The following FRK variants were observed in gnomAD, a reference collection of about 807,000 sequenced individuals.
FRK encodes the protein tyrosine-protein kinase FRK.
Under a neutral mutation model 56.4 loss-of-function variants are expected in FRK, and 51 were observed. That is an observed-to-expected ratio of 0.90 (90% CI 0.72 to 1.14). The LOEUF is 1.14. Among genes scored for constraint, FRK ranks in the 50% most tolerant of loss-of-function variants. The pLI, the probability that FRK is intolerant of heterozygous loss-of-function variation, is 0.00. For missense variants in FRK, 570 were observed against 601.4 expected, an observed-to-expected ratio of 0.95 and a Z score of 0.55; for synonymous variants, 245 against 217.9, an observed-to-expected ratio of 1.12 and a Z score of -1.10.
At chr6:115,998,188 A>G (rs1464176745) in intron 2 of FRK, among the ~76,000 whole-genome samples, 2 of 152,096 alleles carry the variant, frequency 1.3e-5, no homozygotes, top group African/African-American at 4.8e-5. Flanking sequence ...CTCATCTTGC[A>G]CCTATAATTT....
chr6:116,084,858 T>A, the FRK span, among the ~76,000 whole-genome samples: 4 of 152,224 alleles, frequency 2.6e-5, no homozygotes, highest in African/African-American at 9.6e-5. Context: ...GTGATTATAA[T>A]GATTCTCTAT....
chr6:116,002,310 T>A (rs1019637231), intron 2 of FRK, among the ~76,000 whole-genome samples: 19 of 152,146 alleles, frequency 1.2e-4, no homozygotes, highest in Non-Finnish European at 2.5e-4. Flanking sequence ...TCACCTTGGG[T>A]ATAAACAACA....
the FRK span, among the ~76,000 whole-genome samples, chr6:116,066,725 G>A: frequency 2.0e-5 from 3 of 152,094 alleles, no homozygotes; most frequent in Non-Finnish European, 4.4e-5. Flanking sequence ...TGTTCACCAC[G>A]GCAACAGCCA....
At chr6:115,956,806 G>A (rs1773010691) in intron 4 of FRK, among the ~76,000 whole-genome samples, 196 bp from the exon 5 acceptor site, 1 of 152,192 alleles carries the variant, frequency 6.6e-6, no homozygotes, top group South Asian at 2.1e-4. Flanking sequence ...TGGTGCATCA[G>A]GAGTATACGG....
At chr6:116,100,121 C>T in the FRK span, among the ~76,000 whole-genome samples, 12 of 152,296 alleles carry the variant, frequency 7.9e-5, no homozygotes, top group African/African-American at 2.9e-4. Flanking sequence ...TTGTAGTATG[C>T]TCTATATATT....
the FRK span, among the ~76,000 whole-genome samples, chr6:116,097,869 T>C: frequency 6.6e-6 from 1 of 152,192 alleles, no homozygotes; most frequent in South Asian, 2.1e-4. Flanking sequence ...TTCATGTCCT[T>C]TACAGACCTT....
intron 1 of FRK, among the ~76,000 whole-genome samples, chr6:116,048,840 T>C (rs1201766599): frequency 6.6e-6 from 1 of 152,230 alleles, no homozygotes; most frequent in Non-Finnish European, 1.5e-5. Flanking sequence ...ATAAGAAAAT[T>C]TGCCTTGCAG....
intron 1 of FRK, among the ~76,000 whole-genome samples, chr6:116,026,520 G>A (rs904563382): frequency 1.5e-5 from 2 of 132,840 alleles, no homozygotes; most frequent in African/African-American, 2.8e-5. Flanking sequence ...AGGAGGGAGG[G>A]AGGGAGGGGG....
At chr6:115,979,193 A>T (rs933007944) in intron 2 of FRK, among the ~76,000 whole-genome samples, 75 of 152,268 alleles carry the variant, frequency 4.9e-4, no homozygotes, top group African/African-American at 1.7e-3. Context: ...AGGAGAGGAC[A>T]GCTCCATGGG....
chr6:116,066,467 T>C, the FRK span, among the ~76,000 whole-genome samples: 2 of 152,078 alleles, frequency 1.3e-5, no homozygotes, highest in African/African-American at 2.4e-5. Context: ...GTGTGTATCC[T>C]ATTAGTTCTG....
intron 1 of FRK, among the ~76,000 whole-genome samples, chr6:116,051,727 CTA>C: frequency 6.6e-6 from 1 of 152,004 alleles, no homozygotes; most frequent in Non-Finnish European, 1.5e-5. Flanking sequence ...CTAAGAAGAG[CTA>C]AGAACCCATA....
chr6:115,960,103 CG>C (rs986056044), intron 4 of FRK, among the ~76,000 whole-genome samples: 42 of 152,088 alleles, frequency 2.8e-4, no homozygotes, highest in African/African-American at 8.2e-4. Context: ...ACGCAGAAGA[CG>C]GGTGATTTCT....
At chr6:116,038,558 T>G (rs1051244666) in intron 1 of FRK, among the ~76,000 whole-genome samples, 3 of 152,236 alleles carry the variant, frequency 2.0e-5, no homozygotes, top group African/African-American at 7.2e-5. Context: ...GTAATAAATT[T>G]TTAGTATCTG....
intron 5 of FRK, among the ~76,000 whole-genome samples, chr6:115,945,774 A>G (rs1772418975): frequency 6.6e-6 from 1 of 152,088 alleles, no homozygotes; most frequent in African/African-American, 2.4e-5. Context: ...TTAGTCTGTT[A>G]TTCTTAGAAT....
At chr6:116,005,281 A>G (rs963441562) in intron 1 of FRK, among the ~76,000 whole-genome samples, 3 of 152,190 alleles carry the variant, frequency 2.0e-5, no homozygotes, top group African/African-American at 7.2e-5. Flanking sequence ...TCAGTGGTTT[A>G]AGACAACTGG....
chr6:115,976,130 C>T (rs1278144518), intron 2 of FRK, among the ~76,000 whole-genome samples: 2 of 152,002 alleles, frequency 1.3e-5, no homozygotes, highest in Admixed American at 1.3e-4. Context: ...GATATAGAAG[C>T]CCAGCTTTCT....
chr6:115,974,662 T>C (rs1773926284), intron 2 of FRK, among the ~76,000 whole-genome samples: 1 of 152,198 alleles, frequency 6.6e-6, no homozygotes, highest in African/African-American at 2.4e-5. Context: ...ATCTTAGCAT[T>C]CAAAGATTTC....
intron 1 of FRK, among the ~76,000 whole-genome samples, chr6:116,026,622 G>A (rs1776103827): frequency 6.8e-6 from 1 of 147,980 alleles, no homozygotes; most frequent in South Asian, 2.1e-4. Context: ...ATTAGGTTTT[G>A]TTTTTTTTTT....
chr6:116,025,187 C>A (rs964095598), intron 1 of FRK, among the ~76,000 whole-genome samples: 5 of 152,156 alleles, frequency 3.3e-5, no homozygotes, highest in Non-Finnish European at 7.3e-5. Context: ...AAAGATACCA[C>A]ATAGACTGCC....
Sources: allele counts gnomAD v4.1 joint callset (sites outside exome capture counted in the v4.1 genomes callset), GRCh38; gene constraint gnomAD v4.1.1; transcripts MANE v1.5; gene names NCBI Gene and HGNC (gene_info 2026-07-23, HGNC 2026-07-21).